Variants in EOGT observed in about 807,000 individuals in gnomAD.
The protein encoded by EOGT is EGF domain specific O-linked N-acetylglucosamine transferase.
EOGT carries 55 observed loss-of-function variants against 70.5 expected under a neutral mutation model. The observed-to-expected ratio is 0.78, with a 90% CI of 0.63 to 0.98. EOGT has a LOEUF of 0.98. EOGT is among the 50% of genes least tolerant of loss of function. The pLI, the probability that EOGT is intolerant of heterozygous loss-of-function variation, is 0.00. For missense variants in EOGT, 703 were observed against 641.9 expected, an observed-to-expected ratio of 1.10 and a Z score of -1.03; for synonymous variants, 246 against 217.1, an observed-to-expected ratio of 1.13 and a Z score of -1.17.
Position 69,012,770 on chromosome 3 carries a change from C to T in EOGT, c.-326G>A, listed in dbSNP as rs985905898. On this transcript the variant is annotated 5_prime_UTR_variant, in exon 2 of 18. Transcript: ENST00000383701. ...TCAAAGCAGCTGGAATCACTCCACT[C>T]CAGAAACCCTTGATTCGATTTCCAC... is the stretch of plus-strand genomic sequence containing the variant. 2.0e-5 allele frequency: 3 copies of T among 152,172 alleles called. No individual in the cohort carries two copies. The highest frequency in any genetic ancestry group is 6.6e-5 in the Admixed American group (1 of 15,266). 9.4% of individuals were successfully genotyped at this position (152,172 alleles called of 1,614,324 possible).
At chr3:69,013,169 C>T (rs1188176370) in intron 1 of EOGT, among the ~76,000 whole-genome samples, 1 of 152,016 alleles carries the variant, frequency 6.6e-6, no homozygotes, top group East Asian at 1.9e-4. Context: ...GGTTCCGGAC[C>T]CCGGGCGCCG....
rs557913488 is a variant in EOGT at position 69,008,716 on chromosome 3, C to T, written c.211-188G>A. Among the ~76,000 whole-genome samples the T allele has an allele frequency of 7.4e-4, 112 of 152,238 alleles. 2 individuals are homozygous for T. The highest frequency in any genetic ancestry group is 2.5e-3 in the African/African-American group (104 of 41,534). ...AGCAGTCTCAAGGTTCTTAACAATCCTCCTTACTCATCACCCCCACCATAT... is the reference window on the plus strand; with the variant it reads ...AGCAGTCTCAAGGTTCTTAACAATCTTCCTTACTCATCACCCCCACCATAT... On this transcript the variant is annotated intron_variant, in intron 4 of 17. Transcript: ENST00000383701.
chr3:69,013,312 G>C (rs959007559), intron 1 of EOGT, among the ~76,000 whole-genome samples: 20 of 151,876 alleles, frequency 1.3e-4, no homozygotes, highest in African/African-American at 4.3e-4. Flanking sequence ...TGGTCAACGC[G>C]GCTAGGGCCC....
intron 17 of EOGT, 46 bp from the exon 18 acceptor site, chr3:68,977,810 T>A: frequency 6.4e-7 from 1 of 1,564,778 alleles, no homozygotes; most frequent in Non-Finnish European, 8.6e-7. Context: ...AATGAGGGCA[T>A]GGTTTTCTCT....
At chr3:69,004,672 C>A (rs1414064116) in intron 7 of EOGT, among the ~76,000 whole-genome samples, 190 bp from the exon 8 acceptor site, 1 of 152,038 alleles carries the variant, frequency 6.6e-6, no homozygotes, top group Non-Finnish European at 1.5e-5. Flanking sequence ...TATCCACAAC[C>A]CAACTTTGCA....
At chr3:69,002,589 T>C (rs1309095045) in intron 8 of EOGT, among the ~76,000 whole-genome samples, 1 of 151,816 alleles carries the variant, frequency 6.6e-6, no homozygotes, top group Non-Finnish European at 1.5e-5. Flanking sequence ...ATCATTATTC[T>C]GAATGATCTG....
intron 6 of EOGT, 122 bp from the exon 7 acceptor site, chr3:69,005,356 G>C (rs2091414286): frequency 1.9e-6 from 1 of 532,780 alleles, no homozygotes; most frequent in Non-Finnish European, 3.3e-6. Context: ...ACATGACAAG[G>C]AAAGCTCTCC....
chr3:68,993,473 A>C (rs6804833), intron 10 of EOGT, among the ~76,000 whole-genome samples: 1 of 152,044 alleles, frequency 6.6e-6, no homozygotes, highest in African/African-American at 2.4e-5. Context: ...CCTCAGCCTG[A>C]ATTTTATTGT....
At chr3:68,977,865 G>A in intron 17 of EOGT, 101 bp from the exon 18 acceptor site, 1 of 1,236,888 alleles carries the variant, frequency 8.1e-7, no homozygotes, top group Non-Finnish European at 1.1e-6. Context: ...ACTAATTTAT[G>A]TTCTACATCA....
intron 13 of EOGT, among the ~76,000 whole-genome samples, 166 bp downstream of exon 13, chr3:68,988,129 G>T (rs576803033): frequency 3.9e-5 from 6 of 152,288 alleles, no homozygotes; most frequent in African/African-American, 1.2e-4. Context: ...TGGCCAGGCT[G>T]GTCTTGAAAT....
At chr3:68,990,150 C>T (rs1348803811) in intron 10 of EOGT, among the ~76,000 whole-genome samples, 1 of 151,986 alleles carries the variant, frequency 6.6e-6, no homozygotes, top group East Asian at 1.9e-4. Context: ...CATTAAGCCA[C>T]CCACAAGCCT....
rs1020947203 is a variant in EOGT at position 68,975,995 on chromosome 3, T to A, written c.*1623A>T. The A allele has an allele frequency of 1.3e-5, 2 of 152,234 alleles. No individual in the cohort carries two copies. The highest frequency in any genetic ancestry group is 2.9e-5 in the Non-Finnish European group (2 of 68,030). The allele number at this position is 152,234 out of a possible 1,614,324, so 9.4% of individuals were successfully genotyped here. ...GTAACTAGTCTCTAAATCAGACTACTCAAGTGTTAATAAAATGTAAACTTC... is the reference window on the plus strand; with the variant it reads ...GTAACTAGTCTCTAAATCAGACTACACAAGTGTTAATAAAATGTAAACTTC... On this transcript the variant is annotated 3_prime_UTR_variant, in exon 18 of 18. Coordinates refer to ENST00000383701, the MANE Select transcript of EOGT (RefSeq NM_001278689.2).
chr3:68,988,871 G>C lies in EOGT; in HGVS notation c.924+54C>G, dbSNP rs1300798580. On this transcript the variant is annotated intron_variant, in intron 11 of 17. Transcript: ENST00000383701. ...CATAATAAATGTTTATTTTATGAGT[G>C]AGTCATCTGCACTCAAGAAATATTC... 4.4e-6 allele frequency: 4 copies of C among 911,556 alleles called. No individual in the cohort carries two copies. The East Asian group carries it at 8.1e-5, about 18-fold the overall frequency. 56.5% of individuals were successfully genotyped at this position (911,556 alleles called of 1,614,324 possible).
rs775116264 is a variant in EOGT, at chr3:69,005,210, G to A, written c.445C>T (p.Arg149Cys). The A allele has an allele frequency of 2.9e-5, 46 of 1,602,218 alleles. No individual in the cohort carries two copies. Among genetic ancestry groups the A allele is most frequent in the Non-Finnish European group, 3.6e-5 (42 of 1,170,698 alleles). Reference sequence around the variant, plus strand: ...GTTGCTCTGCAGTACTGAAGATAACGGGAACACACCAGACTTGAGTCACTC... The same window carrying A: ...GTTGCTCTGCAGTACTGAAGATAACAGGAACACACCAGACTTGAGTCACTC... ...ETSDSSLVCS[R>C]YLQYCRATNL... The change falls in exon 7 of 18, where the codon CGT (arginine) becomes TGT (cysteine). Residue 149 changes from arginine to cysteine, a missense_variant. Arg to Cys is a radical substitution (Grantham distance 180). Coordinates refer to ENST00000383701, the MANE Select transcript of EOGT (RefSeq NM_001278689.2).
chr3:68,987,833 A>C (rs1363064461), intron 13 of EOGT: 3 of 423,598 alleles, frequency 7.1e-6, no homozygotes, highest in Admixed American at 4.1e-5. Context: ...GGAGGACAGG[A>C]GGAAGCACAT....
At chr3:68,991,504 G>A (rs1361272399) in intron 10 of EOGT, among the ~76,000 whole-genome samples, 2 of 152,156 alleles carry the variant, frequency 1.3e-5, no homozygotes, top group Non-Finnish European at 2.9e-5. Context: ...TACATGCACT[G>A]ATGCATGCAT....
intron 10 of EOGT, among the ~76,000 whole-genome samples, chr3:68,996,556 G>T (rs1181842722): frequency 6.6e-6 from 1 of 152,200 alleles, no homozygotes. Flanking sequence ...GGGATCCTGG[G>T]GACTTTGCCA....
rs185288043 is a variant in EOGT at position 68,996,479 on chromosome 3, G to A, written c.831+1532C>T. Among the ~76,000 whole-genome samples the A allele has an allele frequency of 1.2e-3, 190 of 152,338 alleles. 1 individual carries two copies. The highest frequency in any genetic ancestry group is 2.5e-3 in the Admixed American group (39 of 15,304). On this transcript the variant is annotated intron_variant, in intron 10 of 17. Coordinates refer to ENST00000383701, the MANE Select transcript of EOGT (RefSeq NM_001278689.2). ...ATGCTTGATGGGTAAACTGCATCTG[G>A]ACTGGGAAAGCCATGTTTCGGATTC...
intron 3 of EOGT, 85 bp from the exon 4 acceptor site, chr3:69,009,945 AAAAAC>A (rs1379024271): frequency 0.051 from 28,764 of 567,592 alleles, 102 homozygotes; most frequent in Non-Finnish European, 0.063. Flanking sequence ...AAAAAAAAAA[AAAAAC>A]AAAGGGTCAA....
Sources: allele counts gnomAD v4.1 joint callset (sites outside exome capture counted in the v4.1 genomes callset), GRCh38; gene constraint gnomAD v4.1.1; transcripts MANE v1.5; gene names NCBI Gene and HGNC (gene_info 2026-07-23, HGNC 2026-07-21).